The following ERCC4 variants were observed in gnomAD, a reference collection of about 807,000 sequenced individuals.
The protein encoded by ERCC4 is ERCC excision repair 4, endonuclease catalytic subunit.
In ERCC4, 65 loss-of-function variants were observed where a neutral mutation model predicts 76.9. The ratio of observed to expected loss-of-function variants is 0.84; its 90% CI spans 0.69 to 1.04. ERCC4 has a LOEUF of 1.04. ERCC4 is among the 50% of genes least tolerant of loss of function. ERCC4 has a pLI of 0.00. For missense variants in ERCC4, 1,214 were observed against 1,128.2 expected (o/e 1.08, Z -1.09); for synonymous variants, 463 against 410.1 (o/e 1.13, Z -1.56).
At chr16:13,923,739 A>G (rs2032021835) in intron 2 of ERCC4, among the ~76,000 whole-genome samples, 5 of 152,212 alleles carry the variant, frequency 3.3e-5, no homozygotes. Flanking sequence ...GTACACAACA[A>G]ACTCTTAGTA....
intron 10 of ERCC4, among the ~76,000 whole-genome samples, chr16:13,946,470 C>T (rs1296883511): frequency 6.6e-6 from 1 of 152,122 alleles, no homozygotes; most frequent in Non-Finnish European, 1.5e-5. Context: ...TAGAAAGGTA[C>T]AAAAATACAG....
rs947932244 is a variant in ERCC4 at position 13,949,631 on chromosome 16, A to C, written c.*1284A>C. Reference sequence around the variant, plus strand: ...ATATATAAAAATACGAAAGAAATATATACGTTTAAAAATCCATAAAGAAAA... The same window carrying C: ...ATATATAAAAATACGAAAGAAATATCTACGTTTAAAAATCCATAAAGAAAA... On this transcript the variant is annotated 3_prime_UTR_variant, in exon 11 of 11. Transcript: ENST00000311895. 2 of 232,728 alleles carry C rather than the reference A, an allele frequency of 8.6e-6. No homozygotes were observed. Among genetic ancestry groups the C allele is most frequent in the Non-Finnish European group, 1.7e-5 (2 of 117,822 alleles). The allele number at this position is 232,728 out of a possible 1,614,324, so 14.4% of individuals were successfully genotyped here. A position where few individuals can be genotyped will look rare whatever the true frequency, so the allele number is the denominator to read the frequency against.
Position 13,951,917 on chromosome 16 carries a change from A to G in ERCC4, c.*3570A>G, listed in dbSNP as rs990016828. On this transcript the variant is annotated 3_prime_UTR_variant, in exon 11 of 11. Coordinates refer to ENST00000311895, the MANE Select transcript of ERCC4 (RefSeq NM_005236.3). ...GAAAGTTCTTTTTTCAGGATGGAGT[A>G]TATTAAAATTAAGCCAGGCTTTGAC... The G allele has an allele frequency of 2.4e-4, 52 of 215,580 alleles. No homozygotes were observed. Among genetic ancestry groups the G allele is most frequent in the African/African-American group, 1.1e-3 (47 of 44,430 alleles). The allele number at this position is 215,580 out of a possible 1,614,324, so 13.4% of individuals were successfully genotyped here.
chr16:13,935,166 A>G lies in ERCC4; in HGVS notation c.1234A>G (p.Ser412Gly). ...TTCAGGTCAAGTACTGATTTGTGCAAGTGATGACCGAACATGTTCCCAGCT... is the reference window on the plus strand; with the variant it reads ...TTCAGGTCAAGTACTGATTTGTGCAGGTGATGACCGAACATGTTCCCAGCT... ...GGPGQVLICA[S>G]DDRTCSQLRD... Residue 412 changes from serine to glycine, a missense_variant, in exon 8 of 11, where the codon AGT becomes GGT. Transcript: ENST00000311895. The G allele has an allele frequency of 3.1e-6, 5 of 1,613,790 alleles. No individual in the cohort carries two copies. The Middle Eastern group carries it at 6.6e-4, about 213-fold the overall frequency.
Position 13,935,758 on chromosome 16 carries a change from A to G in ERCC4, c.1811+15A>G. ...AAACCTCTGAGGCAAGTTATAAAGA[A>G]TCACAGCTTTCAGTTGCACAGTTCT... is the stretch of plus-strand genomic sequence containing the variant. On this transcript the variant is annotated intron_variant, in intron 8 of 10. Coordinates refer to ENST00000311895, the MANE Select transcript of ERCC4 (RefSeq NM_005236.3). 6.4e-7 allele frequency: 1 copy of G among 1,570,334 alleles called. No individual in the cohort carries two copies. Among genetic ancestry groups the G allele is most frequent in the Non-Finnish European group, 8.8e-7 (1 of 1,140,176 alleles).
At chr16:13,931,967 G>A (rs995861819) in intron 5 of ERCC4, 190 bp from the exon 6 acceptor site, 2 of 608,368 alleles carry the variant, frequency 3.3e-6, no homozygotes, top group South Asian at 2.1e-5. Flanking sequence ...GGGCCCCTGG[G>A]AGTTCACGGA....
chr16:13,939,533 G>T (rs1004548588), intron 9 of ERCC4, among the ~76,000 whole-genome samples: 1 of 152,086 alleles, frequency 6.6e-6, no homozygotes, highest in African/African-American at 2.4e-5. Context: ...GCTGATACTA[G>T]GCAGATGGGG....
chr16:13,936,460 A>G (rs1407215042), intron 8 of ERCC4, among the ~76,000 whole-genome samples: 4 of 152,366 alleles, frequency 2.6e-5, no homozygotes, highest in Non-Finnish European at 5.9e-5. Flanking sequence ...AAGAGATTAG[A>G]TGAGGCTGGT....
intron 9 of ERCC4, among the ~76,000 whole-genome samples, chr16:13,941,395 C>T (rs888104033): frequency 2.0e-5 from 3 of 152,160 alleles, no homozygotes; most frequent in African/African-American, 7.2e-5. Context: ...TTGAGAGGTG[C>T]TTCTTTTGCA....
At position 13,932,040 on chromosome 16, in the gene ERCC4, T is replaced by C. The variant is rs955518000; in HGVS notation, c.974-117T>C. The C allele has an allele frequency of 3.4e-6, 3 of 870,238 alleles. No homozygotes were observed. In the African/African-American group the frequency reaches 4.9e-5, roughly 14 times the overall value. The allele number at this position is 870,238 out of a possible 1,614,324, so 53.9% of individuals were successfully genotyped here. On this transcript the variant is annotated intron_variant, in intron 5 of 10. Coordinates refer to ENST00000311895, the MANE Select transcript of ERCC4 (RefSeq NM_005236.3). ...CAGATCACAGTAGTGGGAGGCGGTGTGGTTGGTAGGAAGACAGGATGACAG... is the reference window on the plus strand; with the variant it reads ...CAGATCACAGTAGTGGGAGGCGGTGCGGTTGGTAGGAAGACAGGATGACAG...
chr16:13,938,016 A>G (rs1165076897), intron 9 of ERCC4, among the ~76,000 whole-genome samples, 158 bp downstream of exon 9: 2 of 151,958 alleles, frequency 1.3e-5, no homozygotes, highest in Non-Finnish European at 2.9e-5. Flanking sequence ...TCCAGTGTAG[A>G]TCTCAGCACA....
intron 2 of ERCC4, 32 bp from the exon 3 acceptor site, chr16:13,926,529 T>A (rs375061205): frequency 2.8e-5 from 44 of 1,575,934 alleles, no homozygotes; most frequent in Non-Finnish European, 5.2e-6. Context: ...ACCTACCTGT[T>A]CTGTAGTTTA....
Position 13,948,280 on chromosome 16 carries a change from A to C in ERCC4, c.2684A>C (p.Lys895Thr). The change falls in exon 11 of 11, where the codon AAA becomes ACA. Residue 895 changes from lysine (K) to threonine (T), a missense_variant. By Grantham distance (78) the Lys-to-Thr change is moderately conservative (BLOSUM62 -1). Coordinates refer to ENST00000311895, the MANE Select transcript of ERCC4 (RefSeq NM_005236.3). ...ATTCTGGGGAATGCTGCAAATGCCA[A>C]ACAGCTTTATGATTTCATTCACACC... ...TSILGNAANA[K>T]QLYDFIHTSF... 1.9e-6 allele frequency: 3 copies of C among 1,614,102 alleles called. No individual in the cohort carries two copies. The highest frequency in any genetic ancestry group is 2.5e-6 in the Non-Finnish European group (3 of 1,180,030).
intron 2 of ERCC4, among the ~76,000 whole-genome samples, chr16:13,923,826 A>G (rs946337662): frequency 3.9e-5 from 6 of 152,228 alleles, no homozygotes; most frequent in African/African-American, 1.2e-4. Context: ...CTGCTTTCTT[A>G]TAAGCTTGGT....
chr16:13,929,687 C>T (rs1034982721), intron 4 of ERCC4, among the ~76,000 whole-genome samples: 4 of 152,142 alleles, frequency 2.6e-5, no homozygotes, highest in African/African-American at 7.2e-5. Context: ...AATAATTGGC[C>T]GGGTGCGGTG....
rs748292174 is a variant in ERCC4, at chr16:13,935,334, A to G, written c.1402A>G (p.Arg468Gly). The G allele has an allele frequency of 2.5e-6, 4 of 1,611,982 alleles. No individual in the cohort carries two copies. In the South Asian group the frequency reaches 4.4e-5, roughly 18 times the overall value. ...SSKRIRKSHK[R>G]PKDPQNKERA... ...AAAGAGAATTAGGAAATCTCACAAAAGACCTAAAGACCCCCAAAACAAAGA... is the reference window on the plus strand; with the variant it reads ...AAAGAGAATTAGGAAATCTCACAAAGGACCTAAAGACCCCCAAAACAAAGA... Residue 468 changes from arginine to glycine, a missense_variant, in exon 8 of 11, where the codon AGA (arginine) becomes GGA (glycine). Coordinates refer to ENST00000311895, the MANE Select transcript of ERCC4 (RefSeq NM_005236.3).
At chr16:13,939,590 G>C (rs912078721) in intron 9 of ERCC4, among the ~76,000 whole-genome samples, 1 of 152,058 alleles carries the variant, frequency 6.6e-6, no homozygotes, top group Admixed American at 6.5e-5. Context: ...AGGCTCCCAG[G>C]TACAAGAGGC....
At chr16:13,922,275 T>C (rs1247552741) in intron 2 of ERCC4, 64 bp downstream of exon 2, 2 of 1,108,794 alleles carry the variant, frequency 1.8e-6, no homozygotes, top group Admixed American at 3.8e-5. Context: ...AAGTACAATT[T>C]CCATTTTATT....
intron 10 of ERCC4, among the ~76,000 whole-genome samples, chr16:13,947,402 A>G (rs2032534756): frequency 6.6e-6 from 1 of 152,234 alleles, no homozygotes; most frequent in Non-Finnish European, 1.5e-5. Context: ...CTGACAGTCT[A>G]ACTTTCCTAT....
Sources: gnomAD v4.1 joint callset for allele counts (sites outside exome capture counted in the v4.1 genomes callset) on GRCh38, gnomAD v4.1.1 for gene constraint, MANE v1.5 for transcripts, NCBI Gene and HGNC (gene_info 2026-07-23, HGNC 2026-07-21) for gene names.